Variants in CAMKMT observed in about 807,000 individuals in gnomAD.
The protein encoded by CAMKMT is CaM KMT.
In CAMKMT, 53 loss-of-function variants were observed where a neutral mutation model predicts 48.0. The observed-to-expected ratio is 1.10, with a 90% CI of 0.89 to 1.39. CAMKMT has a LOEUF of 1.39. CAMKMT is among the 40% of genes most tolerant of loss of function. The pLI is 0.00. For synonymous variants in CAMKMT, 165 were observed against 152.3 expected (o/e 1.08, Z -0.61); for missense variants, 428 against 402.7 (o/e 1.06, Z -0.54).
chr2:44,458,339 G>A (rs1400024245), intron 3 of CAMKMT, among the ~76,000 whole-genome samples: 4 of 152,090 alleles, frequency 2.6e-5, no homozygotes, highest in East Asian at 1.9e-4. Flanking sequence ...GAGCCACTGC[G>A]CCCTGCCAGC....
At chr2:44,616,311 ATAGT>A (rs973598057) in intron 3 of CAMKMT, among the ~76,000 whole-genome samples, 19 of 152,208 alleles carry the variant, frequency 1.2e-4, no homozygotes, top group African/African-American at 4.6e-4. Context: ...ACATCCTAAG[ATAGT>A]TAGTCACGTA....
At chr2:44,667,090 C>A (rs1675028177) in intron 3 of CAMKMT, among the ~76,000 whole-genome samples, 1 of 152,136 alleles carries the variant, frequency 6.6e-6, no homozygotes, top group Non-Finnish European at 1.5e-5. Context: ...ATTTTAGCTG[C>A]AGGGAGGCAA....
Position 44,411,979 on chromosome 2 carries a change from ATTTTTTTTTTTT to A in CAMKMT, c.376+21694_376+21705del, listed in dbSNP as rs541645446. Reference sequence around the variant, plus strand: ...ATATGTAACATGAACATTCTCTTCAATTTTTTTTTTTTTTTTTTTTTTTTTTTTTTTAGCAGA... The same window carrying A: ...ATATGTAACATGAACATTCTCTTCAATTTTTTTTTTTTTTTTTTTAGCAGA... On this transcript the variant is annotated intron_variant, in intron 3 of 10. Transcript: ENST00000378494. Among the ~76,000 whole-genome samples the A allele has an allele frequency of 7.3e-3, 673 of 91,828 alleles. 8 individuals are homozygous for A. Among genetic ancestry groups the A allele is most frequent in the African/African-American group, 0.024 (543 of 23,104 alleles). 60.2% of individuals were successfully genotyped at this position (91,828 alleles called of 152,430 possible).
chr2:44,583,200 CAAGT>C (rs756921684), intron 3 of CAMKMT, among the ~76,000 whole-genome samples: 1 of 152,074 alleles, frequency 6.6e-6, no homozygotes, highest in Non-Finnish European at 1.5e-5. Context: ...ATTCATTCAA[CAAGT>C]ATCTATTGGA....
intron 3 of CAMKMT, among the ~76,000 whole-genome samples, chr2:44,442,814 G>C (rs1445358068): frequency 6.6e-6 from 1 of 152,206 alleles, no homozygotes; most frequent in African/African-American, 2.4e-5. Context: ...TCTTTCTGAT[G>C]AGCTGCTGGA....
chr2:44,389,661 G>A (rs1018375474), intron 2 of CAMKMT, among the ~76,000 whole-genome samples: 1 of 152,052 alleles, frequency 6.6e-6, no homozygotes, highest in Non-Finnish European at 1.5e-5. Context: ...TAAAATATCA[G>A]TGTCAAGTCA....
chr2:44,596,071 CACG>C (rs1670637030), intron 3 of CAMKMT, among the ~76,000 whole-genome samples: 1 of 151,308 alleles, frequency 6.6e-6, no homozygotes, highest in African/African-American at 2.4e-5. Flanking sequence ...ACCACCATGG[CACG>C]TATATACCTA....
chr2:44,579,394 T>G (rs1669414862), intron 3 of CAMKMT, among the ~76,000 whole-genome samples: 1 of 152,170 alleles, frequency 6.6e-6, no homozygotes, highest in African/African-American at 2.4e-5. Flanking sequence ...AGGTCCAATT[T>G]CAGCACCAAA....
chr2:44,599,844 GTA>G (rs1426514930), intron 3 of CAMKMT, among the ~76,000 whole-genome samples: 2 of 143,520 alleles, frequency 1.4e-5, no homozygotes, highest in Non-Finnish European at 1.5e-5. Context: ...AAAAAAAAGT[GTA>G]TGTTTCTCTT....
At position 44,651,375 on chromosome 2, in the gene CAMKMT, C is replaced by A. The variant is rs529671835; in HGVS notation, c.377-52908C>A. Among the ~76,000 whole-genome samples, 14 of 152,216 alleles carry A rather than the reference C, an allele frequency of 9.2e-5. No homozygotes were observed. The South Asian group carries it at 2.7e-3, about 29-fold the overall frequency. ...TGACCTGTGGCAACATGAAGAAATA[C>A]CTGTGTTTTAAAGTTGCATGTTTTT... On this transcript the variant is annotated intron_variant, in intron 3 of 10. Coordinates refer to ENST00000378494, the MANE Select transcript of CAMKMT (RefSeq NM_024766.5).
intron 2 of CAMKMT, among the ~76,000 whole-genome samples, chr2:44,373,111 A>C (rs1253991837): frequency 6.6e-6 from 1 of 152,228 alleles, no homozygotes; most frequent in Non-Finnish European, 1.5e-5. Context: ...TGGCATTTGA[A>C]GATAAGGTGG....
intron 3 of CAMKMT, among the ~76,000 whole-genome samples, chr2:44,647,778 G>A (rs1673819769): frequency 1.3e-5 from 2 of 151,614 alleles, no homozygotes; most frequent in South Asian, 4.2e-4. Flanking sequence ...CGTGGTAGTG[G>A]GCGCCTGTAG....
At chr2:44,666,802 A>G (rs903481886) in intron 3 of CAMKMT, among the ~76,000 whole-genome samples, 3 of 151,950 alleles carry the variant, frequency 2.0e-5, no homozygotes, top group South Asian at 2.1e-4. Context: ...TAAAGATGGG[A>G]TTTCTCCACG....
intron 3 of CAMKMT, among the ~76,000 whole-genome samples, chr2:44,571,499 T>A (rs907293116): frequency 2.0e-5 from 3 of 152,360 alleles, no homozygotes; most frequent in African/African-American, 7.2e-5. Context: ...CATACTTTTT[T>A]AAATTAATGT....
intron 1 of CAMKMT, among the ~76,000 whole-genome samples, chr2:44,363,275 A>T (rs966393014): frequency 5.3e-5 from 8 of 152,194 alleles, no homozygotes; most frequent in African/African-American, 1.4e-4. Context: ...ACAGATCATC[A>T]TAGGAAGTAT....
At chr2:44,437,704 T>C (rs1248925569) in intron 3 of CAMKMT, among the ~76,000 whole-genome samples, 2 of 151,868 alleles carry the variant, frequency 1.3e-5, no homozygotes, top group Non-Finnish European at 2.9e-5. Context: ...TAAAAATCAT[T>C]TGGGCGTGGT....
intron 3 of CAMKMT, among the ~76,000 whole-genome samples, chr2:44,488,843 T>TTGTGTGTGTGTGTGTGTGTG (rs142299931): frequency 6.3e-5 from 9 of 142,060 alleles, no homozygotes; most frequent in South Asian, 2.3e-4. Flanking sequence ...CTTAGGGTAT[T>TTGTGTGTGTGTGTGTGTGTG]TGTGTGTGTG....
intron 3 of CAMKMT, among the ~76,000 whole-genome samples, chr2:44,693,972 A>G (rs1676797442): frequency 6.6e-6 from 1 of 152,196 alleles, no homozygotes; most frequent in Non-Finnish European, 1.5e-5. Flanking sequence ...TTCGATGGAC[A>G]TCAGCTGATC....
intron 3 of CAMKMT, among the ~76,000 whole-genome samples, chr2:44,679,750 T>A (rs1573059590): frequency 1.3e-5 from 2 of 152,370 alleles, no homozygotes; most frequent in East Asian, 3.9e-4. Flanking sequence ...GCAATACCTC[T>A]GCTCTATTAT....
Sources: gnomAD v4.1 joint callset for allele counts (sites outside exome capture counted in the v4.1 genomes callset) on GRCh38, gnomAD v4.1.1 for gene constraint, MANE v1.5 for transcripts, NCBI Gene and HGNC (gene_info 2026-07-23, HGNC 2026-07-21) for gene names.